EML2: variants seen among roughly 807,000 people sequenced by gnomAD.
The protein encoded by EML2 is echinoderm microtubule-associated protein-like 2.
EML2 carries 59 observed loss-of-function variants against 84.7 expected under a neutral mutation model. That is an observed-to-expected ratio of 0.70 (90% CI 0.56 to 0.86). The LOEUF (loss-of-function observed/expected upper bound fraction) is 0.86. Ranked by LOEUF, EML2 falls within the 40% of genes least tolerant of loss-of-function variation. EML2 has a pLI of 0.00. For missense variants in EML2, 818 were observed against 855.6 expected (o/e 0.96, Z 0.55); for synonymous variants, 352 against 348.9 (o/e 1.01, Z -0.10).
rs1358340449 is a variant in EML2 at position 45,632,867 on chromosome 19, G to A, written c.504C>T (p.Ser168=). Residue 168 remains serine (S), a synonymous_variant, in exon 6 of 19, where the codon TCC becomes TCT. Transcript: ENST00000245925. The stretch of plus-strand genomic sequence containing the variant: ...GGGTGGGCGAAGGACTTACAGATTT[G>A]GAGAAGCCCACACAGCACACGGCTC... ...FDRAVCCVGF[S]KSNGGNLLCA... The A allele has an allele frequency of 1.2e-6, 2 of 1,613,856 alleles. No homozygotes were observed. Among genetic ancestry groups the A allele is most frequent in the Admixed American group, 1.7e-5 (1 of 60,008 alleles).
At chr19:45,643,125 TC>T (rs923806153), upstream of EML2, among the ~76,000 whole-genome samples, 1 of 152,174 alleles carries the variant, frequency 6.6e-6, no homozygotes, top group African/African-American at 2.4e-5. Context: ...CTAGAATTGA[TC>T]CCCAACATCC....
chr19:45,619,435 T>C lies in EML2; in HGVS notation c.1123-244A>G, dbSNP rs147586539. ...GACCTCTGCTTTCTTCTTTGCACAA[T>C]GGGAGGCAGGAGGGCATGGTGGCTC... is the stretch of plus-strand genomic sequence containing the variant. On this transcript the variant is annotated intron_variant, in intron 11 of 18. Transcript: ENST00000245925. The C allele has an allele frequency of 1.4e-3, 457 of 321,336 alleles. 4 individuals are homozygous for C. Among genetic ancestry groups the C allele is most frequent in the African/African-American group, 8.6e-3 (408 of 47,224 alleles). 19.9% of individuals were successfully genotyped at this position (321,336 alleles called of 1,614,324 possible).
At chr19:45,643,045 C>T (rs1974724464), upstream of EML2, among the ~76,000 whole-genome samples, 1 of 151,522 alleles carries the variant, frequency 6.6e-6, no homozygotes, top group South Asian at 2.1e-4. Flanking sequence ...ATGACTAAGA[C>T]GTTAAGTATC....
chr19:45,643,885 G>A (rs1190751138), upstream of EML2, among the ~76,000 whole-genome samples: 1 of 152,224 alleles, frequency 6.6e-6, no homozygotes, highest in African/African-American at 2.4e-5. Context: ...TCAGGACTTA[G>A]AACTCGTAAC....
intron 17 of EML2, 72 bp from the exon 18 acceptor site, chr19:45,613,743 A>C (rs1600071754): frequency 6.4e-7 from 1 of 1,561,014 alleles, no homozygotes; most frequent in Non-Finnish European, 8.7e-7. Context: ...GCAGATTGCC[A>C]CTCCAGCCAC....
chr19:45,632,569 A>G (rs752037315), intron 6 of EML2: 7 of 337,358 alleles, frequency 2.1e-5, no homozygotes, highest in Non-Finnish European at 3.9e-5. Flanking sequence ...CTAAAGGCAT[A>G]CTCTCGCTTT....
Position 45,616,528 on chromosome 19 carries a change from T to C in EML2, c.1442A>G (p.Asp481Gly). The C allele has an allele frequency of 6.2e-7, 1 of 1,610,638 alleles. No homozygotes were observed. The highest frequency in any genetic ancestry group is 8.5e-7 in the Non-Finnish European group (1 of 1,177,768). Residue 481 changes from aspartate (D) to glycine (G), a missense_variant, in exon 15 of 19, where the codon GAC (aspartate) becomes GGC (glycine). Transcript: ENST00000245925. The stretch of plus-strand genomic sequence containing the variant: ...CACCGTGTACACGTACACCAAGTTG[T>C]CGTGGGAGCCCACGGCCAGGTACGC... ...DGAYLAVGSH[D>G]NLVYVYTVDQ...
At chr19:45,621,814 G>A (rs1344776398) in intron 9 of EML2, among the ~76,000 whole-genome samples, 177 bp from the exon 10 acceptor site, 3 of 150,942 alleles carry the variant, frequency 2.0e-5, no homozygotes, top group African/African-American at 7.3e-5. Context: ...GTGCTATCTC[G>A]GCCCACTTCA....
At chr19:45,621,806 GC>G (rs1971752738) in intron 9 of EML2, among the ~76,000 whole-genome samples, 169 bp from the exon 10 acceptor site, 1 of 150,844 alleles carries the variant, frequency 6.6e-6, no homozygotes, top group Admixed American at 6.6e-5. Flanking sequence ...GTGCACTGGT[GC>G]TATCTCGGCC....
In EML2 at chr19:45,634,387, G is replaced by C; in HGVS notation, c.264C>G (p.Ala88=). Residue 88 remains alanine, a synonymous_variant, in exon 4 of 19, where the codon GCC becomes GCG. Transcript: ENST00000245925. ...TCTGCTCCTCCACGCTGTATAGCAC[G>C]GCTACGGAGGCCACAAAGTACACTA... The part of the protein sequence containing the change: ...GEIVYFVASV[A]VLYSVEEQRQ... 1 of 1,614,024 alleles carries C rather than the reference G, an allele frequency of 6.2e-7. No individual in the cohort carries two copies. The highest frequency in any genetic ancestry group is 1.3e-5 in the African/African-American group (1 of 75,022).
chr19:45,642,515 G>A, upstream of EML2: 2 of 1,417,650 alleles, frequency 1.4e-6, no homozygotes, highest in East Asian at 2.6e-5. Flanking sequence ...AGAGGACTCT[G>A]AAGGGGGAAG....
chr19:45,609,551 C>A lies in EML2; in HGVS notation c.*112G>T. On this transcript the variant is annotated 3_prime_UTR_variant, in exon 19 of 19. Coordinates refer to ENST00000245925, the MANE Select transcript of EML2 (RefSeq NM_012155.4). ...TGTATGTCAGTCTACCCTCCCGCCCCCATAACCCCCTCTGCTATAGACATA... is the reference window on the plus strand; with the variant it reads ...TGTATGTCAGTCTACCCTCCCGCCCACATAACCCCCTCTGCTATAGACATA... 1 of 1,210,830 alleles carries A rather than the reference C, an allele frequency of 8.3e-7. No individual in the cohort carries two copies. The highest frequency in any genetic ancestry group is 3.0e-5 in the East Asian group (1 of 33,760). The allele number at this position is 1,210,830 out of a possible 1,614,324, so 75.0% of individuals were successfully genotyped here. A position where few individuals can be genotyped will look rare whatever the true frequency, so the allele number is the denominator to read the frequency against.
At chr19:45,621,701 A>C in intron 9 of EML2, 64 bp from the exon 10 acceptor site, 1 of 1,519,552 alleles carries the variant, frequency 6.6e-7, no homozygotes, top group Non-Finnish European at 8.9e-7. Context: ...CCCTGAAAGC[A>C]TCTTGAACTC....
intron 11 of EML2, 171 bp downstream of exon 11, chr19:45,621,036 A>T: frequency 9.7e-7 from 1 of 1,034,494 alleles, no homozygotes; most frequent in Non-Finnish European, 1.4e-6. Context: ...GCTTGGAGTT[A>T]AACTCTTGGT....
upstream of EML2, chr19:45,641,832 T>C: frequency 6.7e-7 from 1 of 1,501,086 alleles, no homozygotes; most frequent in Non-Finnish European, 8.9e-7. Context: ...CCCTGCACCC[T>C]CTGCTGCTGG....
chr19:45,617,937 C>T (rs886251911), intron 12 of EML2, among the ~76,000 whole-genome samples: 4 of 152,228 alleles, frequency 2.6e-5, no homozygotes, highest in Non-Finnish European at 5.9e-5. Context: ...CCTCCTTACT[C>T]CTCTTCTAAA....
intron 7 of EML2, among the ~76,000 whole-genome samples, chr19:45,627,042 C>A (rs1308607836): frequency 5.9e-5 from 9 of 151,492 alleles, no homozygotes; most frequent in African/African-American, 1.9e-4. Flanking sequence ...TCACTGCAAC[C>A]TCCGCCTCCT....
chr19:45,632,441 A>T (rs561044089), intron 6 of EML2: 87 of 171,264 alleles, frequency 5.1e-4, no homozygotes, highest in South Asian at 3.2e-3. Flanking sequence ...AGCCCCCCAG[A>T]GTGCTGGGAT....
chr19:45,626,714 G>C lies in EML2; in HGVS notation c.732C>G (p.Gly244=), dbSNP rs1421089366. The change falls in exon 8 of 19, where the codon GGC becomes GGG. Residue 244 remains glycine (G), a synonymous_variant. Transcript: ENST00000245925. ...AACCCCTGGCACTCACCTCAAAGAG[G>C]CCTTGCCGCTTGCTCAAGCTGCCCC... ...LEGGSLSKRQ[G]LFEKHEKPKY... The C allele has an allele frequency of 6.2e-7, 1 of 1,613,370 alleles. No individual in the cohort carries two copies. The highest frequency in any genetic ancestry group is 1.7e-5 in the Admixed American group (1 of 59,918).
Sources: allele counts gnomAD v4.1 joint callset (sites outside exome capture counted in the v4.1 genomes callset), GRCh38; gene constraint gnomAD v4.1.1; transcripts MANE v1.5; gene names NCBI Gene and HGNC (gene_info 2026-07-23, HGNC 2026-07-21).